Variants in GRIK3 observed in about 807,000 individuals in gnomAD.
GRIK3 encodes glutamate receptor ionotropic, kainate 3.
GRIK3 carries 29 observed loss-of-function variants against 102.5 expected under a neutral mutation model. That is an observed-to-expected ratio of 0.28 (90% CI 0.21 to 0.39). The LOEUF (loss-of-function observed/expected upper bound fraction) is 0.39. Among genes scored for constraint, GRIK3 ranks in the 10% least tolerant of loss-of-function variants. The pLI, the probability that GRIK3 is intolerant of heterozygous loss-of-function variation, is 1.00. For synonymous variants in GRIK3, 511 were observed against 504.9 expected (o/e 1.01, Z -0.16); for missense variants, 908 against 1,252.4 (o/e 0.73, Z 4.15).
intron 1 of GRIK3, among the ~76,000 whole-genome samples, chr1:37,015,803 T>C (rs1486354647): frequency 1.3e-5 from 2 of 152,240 alleles, no homozygotes; most frequent in Non-Finnish European, 2.9e-5. Flanking sequence ...GTGTGGTTTG[T>C]TATCCAGGCC....
chr1:36,989,028 A>G (rs1442505728), intron 1 of GRIK3, among the ~76,000 whole-genome samples: 1 of 151,756 alleles, frequency 6.6e-6, no homozygotes, highest in Non-Finnish European at 1.5e-5. Flanking sequence ...CCTTCAACCC[A>G]CCACCTCCCC....
chr1:36,880,937 G>A lies in GRIK3; in HGVS notation c.293-46C>T. On this transcript the variant is annotated intron_variant, in intron 2 of 15. Transcript: ENST00000373091. The surrounding 1 kb of genome is among the most constrained non-coding windows in gnomAD (Gnocchi z 5.4). Reference sequence around the variant, plus strand: ...GCACAGGGGTCAGCACTGGGGCTGTGGGTATGGGGACAGTGATGCTGATGA... The same window carrying A: ...GCACAGGGGTCAGCACTGGGGCTGTAGGTATGGGGACAGTGATGCTGATGA... The A allele has an allele frequency of 1.3e-6, 2 of 1,548,562 alleles. No individual in the cohort carries two copies. The highest frequency in any genetic ancestry group is 1.7e-6 in the Non-Finnish European group (2 of 1,144,254).
chr1:36,974,656 C>T (rs185442205), intron 1 of GRIK3, among the ~76,000 whole-genome samples: 16 of 151,928 alleles, frequency 1.1e-4, no homozygotes, highest in East Asian at 5.8e-4. Context: ...AAAAATTAGC[C>T]GGGCGTGGTG....
At chr1:36,804,834 G>A in intron 15 of GRIK3, 153 bp downstream of exon 15, 1 of 976,840 alleles carries the variant, frequency 1.0e-6, no homozygotes, top group South Asian at 1.6e-5. Context: ...TCAGGACAGA[G>A]GTAGAGTGGC....
intron 1 of GRIK3, among the ~76,000 whole-genome samples, chr1:36,962,883 C>CAAA (rs57315084): frequency 0.096 from 7,133 of 74,000 alleles, 303 homozygotes; most frequent in Middle Eastern, 0.14. Flanking sequence ...GACTCCCTCT[C>CAAA]AAAAAAAAAA....
intron 1 of GRIK3, among the ~76,000 whole-genome samples, chr1:37,033,094 C>T (rs1347216878): frequency 6.6e-6 from 1 of 152,184 alleles, no homozygotes; most frequent in African/African-American, 2.4e-5. Flanking sequence ...CCAGCCCTGC[C>T]GGTCGTCGGC....
intron 1 of GRIK3, among the ~76,000 whole-genome samples, chr1:37,014,087 C>A (rs1642626983): frequency 6.6e-6 from 1 of 152,240 alleles, no homozygotes; most frequent in Non-Finnish European, 1.5e-5. Flanking sequence ...ATTATTCAGG[C>A]CTTAGCCACC....
chr1:36,801,828 T>G lies in GRIK3; in HGVS notation c.*23A>C, dbSNP rs774349493. On this transcript the variant is annotated 3_prime_UTR_variant, in exon 16 of 16. Transcript: ENST00000373091. ...CTTTCCTCTGCCCAGCCCCCAGGCC[T>G]GAGGTCCCCACCCCAGCTGTGCCTA... 1.5e-5 allele frequency: 24 copies of G among 1,570,408 alleles called. No homozygotes were observed. The highest frequency in any genetic ancestry group is 2.1e-5 in the Non-Finnish European group (24 of 1,156,310).
intron 1 of GRIK3, among the ~76,000 whole-genome samples, chr1:37,032,807 C>T (rs1411741138): frequency 2.0e-5 from 3 of 152,154 alleles, no homozygotes; most frequent in African/African-American, 7.2e-5. Context: ...AGGAGGAGAC[C>T]CACCCGCTGG....
At chr1:36,883,887 A>G (rs1641010363) in intron 2 of GRIK3, among the ~76,000 whole-genome samples, 1 of 152,192 alleles carries the variant, frequency 6.6e-6, no homozygotes, top group Non-Finnish European at 1.5e-5. Context: ...GCCTCCTGGA[A>G]ATGGGAGATT....
At chr1:36,939,180 A>T (rs957797537) in intron 1 of GRIK3, among the ~76,000 whole-genome samples, 1 of 152,224 alleles carries the variant, frequency 6.6e-6, no homozygotes, top group Non-Finnish European at 1.5e-5. Context: ...CAACGCATGG[A>T]AGTGAAACAT....
intron 9 of GRIK3, among the ~76,000 whole-genome samples, chr1:36,845,010 T>A (rs1169014648): frequency 2.0e-5 from 3 of 152,194 alleles, no homozygotes; most frequent in Non-Finnish European, 4.4e-5. Context: ...CATCTCCATA[T>A]AAATACGCTG....
At chr1:36,898,090 A>T (rs1641193126) in intron 1 of GRIK3, among the ~76,000 whole-genome samples, 1 of 151,678 alleles carries the variant, frequency 6.6e-6, no homozygotes, top group Admixed American at 6.6e-5. Context: ...GAAATCATGG[A>T]GATAGAGAGT....
At chr1:36,832,058 G>A (rs1229658718) in intron 10 of GRIK3, among the ~76,000 whole-genome samples, 4 of 111,878 alleles carry the variant, frequency 3.6e-5, no homozygotes, top group Non-Finnish European at 7.2e-5. Context: ...AAGCCTCAGA[G>A]GAAATCAGAA....
At chr1:36,947,909 A>G (rs1350138423) in intron 1 of GRIK3, among the ~76,000 whole-genome samples, 1 of 151,496 alleles carries the variant, frequency 6.6e-6, no homozygotes, top group Admixed American at 6.6e-5. Context: ...GTTCATGGCC[A>G]TCTCCGTGGG....
chr1:36,829,931 G>C (rs1642797347), intron 10 of GRIK3, among the ~76,000 whole-genome samples: 1 of 152,188 alleles, frequency 6.6e-6, no homozygotes, highest in African/African-American at 2.4e-5. Context: ...CTAACAACTT[G>C]TCACTGATCA....
At chr1:37,026,121 C>T (rs1323590951) in intron 1 of GRIK3, among the ~76,000 whole-genome samples, 2 of 152,218 alleles carry the variant, frequency 1.3e-5, no homozygotes, top group Non-Finnish European at 2.9e-5. Flanking sequence ...GATCAAGACT[C>T]TCTGGACCAG....
chr1:37,029,691 T>A (rs1215595575), intron 1 of GRIK3, among the ~76,000 whole-genome samples: 1 of 152,208 alleles, frequency 6.6e-6, no homozygotes, highest in Non-Finnish European at 1.5e-5. Context: ...GGGGACTGTT[T>A]CCTGGGACAG....
At chr1:36,983,672 C>A (rs572035234) in intron 1 of GRIK3, among the ~76,000 whole-genome samples, 1 of 152,218 alleles carries the variant, frequency 6.6e-6, no homozygotes, top group African/African-American at 2.4e-5. Flanking sequence ...ATACTCTATC[C>A]CATGATGCTC....
Sources: allele counts gnomAD v4.1 joint callset (sites outside exome capture counted in the v4.1 genomes callset), GRCh38; gene constraint gnomAD v4.1.1; non-coding constraint Gnocchi (gnomAD v3.1); transcripts MANE v1.5; gene names NCBI Gene and HGNC (gene_info 2026-07-23, HGNC 2026-07-21).